TNKS: variants seen among roughly 807,000 people sequenced by gnomAD.
TNKS encodes poly [ADP-ribose] polymerase tankyrase-1.
TNKS carries 72 observed loss-of-function variants against 135.8 expected under a neutral mutation model. The observed-to-expected ratio is 0.53, with a 90% CI of 0.44 to 0.64. The LOEUF is 0.64. TNKS is among the 30% of genes least tolerant of loss of function. The pLI is 0.00. For missense variants in TNKS, 1,769 were observed against 1,674.0 expected (o/e 1.06, Z -0.99); for synonymous variants, 849 against 649.3 (o/e 1.31, Z -4.68).
intron 2 of TNKS, among the ~76,000 whole-genome samples, chr8:9,590,162 C>T (rs758665648): frequency 5.3e-5 from 8 of 152,050 alleles, no homozygotes; most frequent in African/African-American, 1.4e-4. Flanking sequence ...AAGTAACACC[C>T]GGACTCATCT....
chr8:9,703,366 G>A (rs929049701), intron 5 of TNKS, among the ~76,000 whole-genome samples: 5 of 152,156 alleles, frequency 3.3e-5, no homozygotes, highest in African/African-American at 1.2e-4. Context: ...TTAACCACAG[G>A]TAAGTGAAAT....
chr8:9,614,978 C>T (rs1451080913), intron 2 of TNKS, among the ~76,000 whole-genome samples: 2 of 152,120 alleles, frequency 1.3e-5, no homozygotes, highest in African/African-American at 4.8e-5. Context: ...TGTTTCTAAA[C>T]ATTTTTGATG....
chr8:9,637,250 A>G (rs1800547465), intron 3 of TNKS, among the ~76,000 whole-genome samples: 1 of 152,210 alleles, frequency 6.6e-6, no homozygotes, highest in Non-Finnish European at 1.5e-5. Context: ...TTTGTGGATT[A>G]TCAGAACTTT....
At chr8:9,605,791 G>T in intron 2 of TNKS, among the ~76,000 whole-genome samples, 1 of 151,876 alleles carries the variant, frequency 6.6e-6, no homozygotes, top group East Asian at 1.9e-4. Flanking sequence ...AAGTTGTATT[G>T]TTTGCCTTTT....
chr8:9,689,129 T>C lies in TNKS; in HGVS notation c.1107+8329T>C, dbSNP rs979226688. Among the ~76,000 whole-genome samples the C allele has an allele frequency of 2.6e-5, 4 of 152,300 alleles. No individual in the cohort carries two copies. In the South Asian group the frequency reaches 8.3e-4, roughly 32 times the overall value. On this transcript the variant is annotated intron_variant, in intron 5 of 26. Transcript: ENST00000310430. Reference sequence around the variant, plus strand: ...CATTCAGTCAATAAACCTGGTTATTTTTTCTTTATCACTGCCTTTTTTTCC... The same window carrying C: ...CATTCAGTCAATAAACCTGGTTATTCTTTCTTTATCACTGCCTTTTTTTCC...
intron 3 of TNKS, among the ~76,000 whole-genome samples, chr8:9,636,297 G>A (rs1800508523): frequency 1.3e-5 from 2 of 152,196 alleles, no homozygotes; most frequent in Admixed American, 1.3e-4. Flanking sequence ...AAGTGATCAT[G>A]CTGGGCATAA....
At position 9,751,829 on chromosome 8, in the gene TNKS, AAAGG is replaced by A; in HGVS notation, c.3063_3066del (p.Gly1022LysfsTer7). On this transcript the variant is annotated frameshift_variant, in exon 19 of 27. Transcript: ENST00000310430. LOFTEE classifies it high-confidence loss of function. ...GCAGGGGATGGCGCCGCGGGAACAGAAAGGAAGGAAGGAGAAGGTGAGTAGACCC... is the reference window on the plus strand; with the variant it reads ...GCAGGGGATGGCGCCGCGGGAACAGAAAGGAAGGAGAAGGTGAGTAGACCC... The A allele has an allele frequency of 6.2e-7, 1 of 1,614,028 alleles. No homozygotes were observed. The highest frequency in any genetic ancestry group is 8.5e-7 in the Non-Finnish European group (1 of 1,179,874).
intron 21 of TNKS, among the ~76,000 whole-genome samples, chr8:9,762,904 C>CAAAA (rs148458789): frequency 8.9e-6 from 1 of 112,236 alleles, no homozygotes; most frequent in Non-Finnish European, 1.9e-5. Context: ...GGCTCCGTCT[C>CAAAA]AAAAAAAAAA....
rs529527670 is a variant in TNKS, at chr8:9,662,308, C to T, written c.995-17643C>T. 2.8e-4 allele frequency among the ~76,000 whole-genome samples: 43 copies of T among 152,110 alleles called. 1 individual carries two copies. The highest frequency in any genetic ancestry group is 5.8e-4 in the East Asian group (3 of 5,180). On this transcript the variant is annotated intron_variant, in intron 3 of 26. Coordinates refer to ENST00000310430, the MANE Select transcript of TNKS (RefSeq NM_003747.3). The stretch of plus-strand genomic sequence containing the variant: ...GACACATGCACATGTATGTTTATTG[C>T]GGCACTATTCACAATAGCAAAGACT...
intron 1 of TNKS, among the ~76,000 whole-genome samples, chr8:9,573,410 A>G (rs958234194): frequency 5.3e-5 from 8 of 152,208 alleles, no homozygotes; most frequent in South Asian, 2.1e-4. Context: ...ACTTGAACAC[A>G]GTTTGAACAT....
chr8:9,690,919 T>A (rs1015042956), intron 5 of TNKS, among the ~76,000 whole-genome samples: 1 of 152,214 alleles, frequency 6.6e-6, no homozygotes, highest in African/African-American at 2.4e-5. Context: ...CTTACTTGGA[T>A]GGGGACTTAA....
At chr8:9,622,272 A>G (rs2128768031) in intron 3 of TNKS, among the ~76,000 whole-genome samples, 1 of 152,310 alleles carries the variant, frequency 6.6e-6, no homozygotes, top group Middle Eastern at 3.4e-3. Flanking sequence ...TTTTATTAGC[A>G]GCAGGTATTT....
At chr8:9,639,943 T>C (rs572700396) in intron 3 of TNKS, among the ~76,000 whole-genome samples, 34 of 152,322 alleles carry the variant, frequency 2.2e-4, no homozygotes, top group Admixed American at 9.8e-4. Flanking sequence ...ACAGTGGGAA[T>C]TGTGCTTTTA....
intron 26 of TNKS, chr8:9,772,343 C>G (rs765023745): frequency 1.3e-5 from 6 of 453,244 alleles, no homozygotes; most frequent in South Asian, 1.6e-5. Flanking sequence ...CAATGAGGGA[C>G]AGATAGGCTT....
chr8:9,663,827 T>TCC (rs1168082553), intron 3 of TNKS, among the ~76,000 whole-genome samples: 2 of 152,146 alleles, frequency 1.3e-5, no homozygotes, highest in African/African-American at 4.8e-5. Context: ...GCAAGGAGCT[T>TCC]CCATACTCCC....
intron 5 of TNKS, among the ~76,000 whole-genome samples, chr8:9,697,817 A>G (rs904531720): frequency 6.6e-6 from 1 of 152,166 alleles, no homozygotes; most frequent in Non-Finnish European, 1.5e-5. Flanking sequence ...AGAAAAAGCA[A>G]TGCTTATACA....
chr8:9,617,720 G>A (rs951300036), intron 3 of TNKS, among the ~76,000 whole-genome samples: 1 of 152,110 alleles, frequency 6.6e-6, no homozygotes, highest in African/African-American at 2.4e-5. Flanking sequence ...TCTTTTGAAA[G>A]GAATGCCTTA....
At chr8:9,741,972 T>C (rs1805984582) in intron 17 of TNKS, among the ~76,000 whole-genome samples, 1 of 152,232 alleles carries the variant, frequency 6.6e-6, no homozygotes, top group South Asian at 2.1e-4. Flanking sequence ...TTTTATGGTA[T>C]CCTCTTTTTA....
At chr8:9,674,294 C>T (rs1802439719) in intron 3 of TNKS, among the ~76,000 whole-genome samples, 1 of 152,032 alleles carries the variant, frequency 6.6e-6, no homozygotes, top group Non-Finnish European at 1.5e-5. Flanking sequence ...CAAGGTCACA[C>T]AAGTAAACTA....
Sources: gnomAD v4.1 joint callset for allele counts (sites outside exome capture counted in the v4.1 genomes callset) on GRCh38, gnomAD v4.1.1 for gene constraint, MANE v1.5 for transcripts, NCBI Gene and HGNC (gene_info 2026-07-23, HGNC 2026-07-21) for gene names.